UTP4: variants seen among roughly 807,000 people sequenced by gnomAD.
UTP4 encodes U3 small nucleolar RNA-associated protein 4 homolog.
In UTP4, 45 loss-of-function variants were observed where a neutral mutation model predicts 82.4. The observed-to-expected ratio is 0.55, with a 90% CI of 0.43 to 0.70. The LOEUF (loss-of-function observed/expected upper bound fraction) is 0.70. Ranked by LOEUF, UTP4 falls within the 30% of genes least tolerant of loss-of-function variation. The probability of loss-of-function intolerance (pLI) is 0.00; values close to 1 mark genes in which losing one functional copy is unlikely to be tolerated. For missense variants in UTP4, 819 were observed against 858.3 expected (o/e 0.95, Z 0.57); for synonymous variants, 348 against 300.3 (o/e 1.16, Z -1.64).
At chr16:69,161,584 G>A (rs1316943320) in intron 13 of UTP4, among the ~76,000 whole-genome samples, 1 of 152,232 alleles carries the variant, frequency 6.6e-6, no homozygotes, top group East Asian at 1.9e-4. Context: ...TTTATAAGCA[G>A]TTTGTACAGA....
intron 6 of UTP4, among the ~76,000 whole-genome samples, chr16:69,146,598 C>T (rs1431777436): frequency 1.3e-5 from 2 of 152,162 alleles, no homozygotes; most frequent in Non-Finnish European, 2.9e-5. Flanking sequence ...CGGTGGCTCA[C>T]GCCTGTAATC....
chr16:69,140,345 T>A (rs1026759139), intron 5 of UTP4, among the ~76,000 whole-genome samples: 1 of 152,130 alleles, frequency 6.6e-6, no homozygotes, highest in African/African-American at 2.4e-5. Flanking sequence ...AAAATTGGCT[T>A]CATAGAATCC....
At chr16:69,147,588 T>C (rs1963152360) in intron 6 of UTP4, among the ~76,000 whole-genome samples, 1 of 152,172 alleles carries the variant, frequency 6.6e-6, no homozygotes, top group African/African-American at 2.4e-5. Context: ...GATCTGGTTG[T>C]GCTTGGAACC....
chr16:69,154,726 T>G (rs1963364355), intron 10 of UTP4, among the ~76,000 whole-genome samples: 1 of 151,448 alleles, frequency 6.6e-6, no homozygotes, highest in African/African-American at 2.4e-5. Context: ...ATTTATTTAT[T>G]TATTTATTTA....
chr16:69,151,161 C>T (rs13380484), intron 8 of UTP4, among the ~76,000 whole-genome samples: 13,084 of 151,968 alleles, frequency 0.086, 844 homozygotes, highest in African/African-American at 0.17. Flanking sequence ...CATGCGCCAC[C>T]GCGCTCAGCT....
chr16:69,167,296 C>T (rs1385922435), intron 16 of UTP4, 111 bp downstream of exon 16: 2 of 765,676 alleles, frequency 2.6e-6, no homozygotes, highest in Non-Finnish European at 4.5e-6. Flanking sequence ...TGCAGAGAAC[C>T]TGGCTTGTGG....
intron 6 of UTP4, among the ~76,000 whole-genome samples, chr16:69,149,407 G>A (rs987473207): frequency 2.6e-5 from 4 of 151,488 alleles, no homozygotes; most frequent in African/African-American, 7.3e-5. Context: ...AAAATTAGCC[G>A]GGTGTGGTGG....
chr16:69,138,267 ACT>A (rs1162661192), intron 4 of UTP4, among the ~76,000 whole-genome samples: 2 of 141,064 alleles, frequency 1.4e-5, no homozygotes, highest in Non-Finnish European at 3.0e-5. Flanking sequence ...GCAGAGTGTC[ACT>A]CTGTCATCCA....
chr16:69,160,430 G>A lies in UTP4; in HGVS notation c.1519G>A (p.Gly507Arg). The change falls in exon 13 of 17, where the codon GGA (glycine) becomes AGA (arginine). Residue 507 changes from glycine to arginine, a missense_variant. By Grantham distance (125) the Gly-to-Arg change is moderately radical. Coordinates refer to ENST00000314423, the MANE Select transcript of UTP4 (RefSeq NM_032830.3). The part of the protein sequence containing the change: ...NWLAASGTSA[G>R]VHVYNVKQLK... ...GCTAGCTGCATCAGGTACCAGTGCT[G>A]GAGTCCATGTCTACAACGTAAAACA... The A allele has an allele frequency of 6.2e-7, 1 of 1,614,046 alleles. No homozygotes were observed. The highest frequency in any genetic ancestry group is 2.2e-5 in the East Asian group (1 of 44,878).
At chr16:69,153,906 G>A (rs1427385772) in intron 9 of UTP4, among the ~76,000 whole-genome samples, 6 of 152,024 alleles carry the variant, frequency 3.9e-5, no homozygotes, top group South Asian at 2.1e-4. Flanking sequence ...TAGGTGGTGC[G>A]CTGCAGGGTG....
In UTP4 at chr16:69,155,896, G is replaced by C; in HGVS notation, c.1190G>C (p.Cys397Ser). The C allele has an allele frequency of 6.2e-7, 1 of 1,614,022 alleles. No individual in the cohort carries two copies. Among genetic ancestry groups the C allele is most frequent in the Middle Eastern group, 1.6e-4 (1 of 6,062 alleles). The change falls in exon 11 of 17, where the codon TGT becomes TCT. Residue 397 changes from cysteine to serine, a missense_variant. Physicochemically the swap from Cys to Ser is moderately radical, Grantham distance 112. Transcript: ENST00000314423. ...TKGPENIICS[C>S]ISPCGSWIAY... ...GGTCCTGAGAACATTATCTGTAGCT[G>C]TATCTCCCCATGTGGAAGTTGGATA...
At position 69,133,574 on chromosome 16, in the gene UTP4, A is replaced by G. The variant is rs1030203914; in HGVS notation, c.115A>G (p.Thr39Ala). ...ATTGGCTGTTTCACGAACAGATGGC[A>G]CTGTGGAAATTTATAACTTGTCAGC... ...NRLAVSRTDG[T>A]VEIYNLSANY... Residue 39 changes from threonine to alanine, a missense_variant, in exon 2 of 17, where the codon ACT (threonine) becomes GCT (alanine). By Grantham distance (58) the Thr-to-Ala change is moderately conservative. Transcript: ENST00000314423. The G allele has an allele frequency of 6.2e-7, 1 of 1,614,188 alleles. No homozygotes were observed. Among genetic ancestry groups the G allele is most frequent in the Admixed American group, 1.7e-5 (1 of 60,024 alleles).
At chr16:69,137,965 C>T (rs963876159) in intron 4 of UTP4, 80 bp downstream of exon 4, 2 of 886,186 alleles carry the variant, frequency 2.3e-6, no homozygotes, top group African/African-American at 1.6e-5. Flanking sequence ...GGGATATTTT[C>T]CCATGAATCC....
chr16:69,168,498 C>T (rs1963758852), intron 16 of UTP4, among the ~76,000 whole-genome samples: 1 of 151,318 alleles, frequency 6.6e-6, no homozygotes, highest in African/African-American at 2.4e-5. Flanking sequence ...GCACACCTAC[C>T]TATTGTCCCA....
rs370170340 is a variant in UTP4, at chr16:69,157,179, G to C, written c.1383G>C (p.Leu461=). 1.2e-6 allele frequency: 2 copies of C among 1,614,188 alleles called. No individual in the cohort carries two copies. The highest frequency in any genetic ancestry group is 1.1e-5 in the South Asian group (1 of 91,082). Residue 461 remains leucine, a synonymous_variant, in exon 12 of 17, where the codon CTG becomes CTC. Coordinates refer to ENST00000314423, the MANE Select transcript of UTP4 (RefSeq NM_032830.3). ...KLFVASNQGA[L]HIVQLSGGSF... ...TTGTAGCATCAAATCAAGGAGCTCTGCATATTGTTCAGCTGTCAGGAGGAA... is the reference window on the plus strand; with the variant it reads ...TTGTAGCATCAAATCAAGGAGCTCTCCATATTGTTCAGCTGTCAGGAGGAA...
At chr16:69,156,217 C>T (rs1963411621) in intron 11 of UTP4, among the ~76,000 whole-genome samples, 1 of 146,096 alleles carries the variant, frequency 6.8e-6, no homozygotes, top group East Asian at 2.0e-4. Context: ...TGCAATGGCA[C>T]AGTCTTGGCC....
rs1467466574 is a variant in UTP4, at chr16:69,155,732, C to G, written c.1165-139C>G. ...TGCCTCTGAAATAATCATATTAATG[C>G]AGACCACACGAGGATCGAGATTATG... On this transcript the variant is annotated intron_variant, in intron 10 of 16. Transcript: ENST00000314423. 4.5e-6 allele frequency: 4 copies of G among 898,480 alleles called. No individual in the cohort carries two copies. The African/African-American group carries it at 6.5e-5, about 15-fold the overall frequency. 55.7% of individuals were successfully genotyped at this position (898,480 alleles called of 1,614,324 possible).
chr16:69,163,681 C>T (rs1374062800), intron 14 of UTP4, among the ~76,000 whole-genome samples: 1 of 136,124 alleles, frequency 7.3e-6, no homozygotes, highest in Non-Finnish European at 1.6e-5. Context: ...ATAAGGAGAT[C>T]TTTAAAAAAA....
chr16:69,136,283 C>A (rs943097776), intron 2 of UTP4, among the ~76,000 whole-genome samples: 3 of 152,190 alleles, frequency 2.0e-5, no homozygotes, highest in African/African-American at 7.2e-5. Flanking sequence ...AATCCCAGGA[C>A]TTTGGGAGGC....
Sources: allele counts gnomAD v4.1 joint callset (sites outside exome capture counted in the v4.1 genomes callset), GRCh38; gene constraint gnomAD v4.1.1; transcripts MANE v1.5; gene names NCBI Gene and HGNC (gene_info 2026-07-23, HGNC 2026-07-21).